SKAP2: variants seen among roughly 807,000 people sequenced by gnomAD.
SKAP2 encodes the protein src kinase-associated phosphoprotein 2.
In SKAP2, 28 loss-of-function variants were observed where a neutral mutation model predicts 54.9. The observed-to-expected ratio is 0.51, with a 90% confidence interval of 0.38 to 0.70. The LOEUF (loss-of-function observed/expected upper bound fraction) is 0.70, where lower values mean the gene tolerates loss of function less well. SKAP2 is among the 30% of genes least tolerant of loss of function. The pLI is 0.00. For synonymous variants in SKAP2, 137 were observed against 134.3 expected, an observed-to-expected ratio of 1.02 and a Z score of -0.14; for missense variants, 356 against 424.1, an observed-to-expected ratio of 0.84 and a Z score of 1.41.
intron 9 of SKAP2, among the ~76,000 whole-genome samples, chr7:26,711,263 G>C (rs563281299): frequency 6.6e-6 from 1 of 152,130 alleles, no homozygotes; most frequent in Non-Finnish European, 1.5e-5. Flanking sequence ...GAATTGGTGA[G>C]AGCATATGTC....
intron 9 of SKAP2, among the ~76,000 whole-genome samples, chr7:26,715,432 C>G (rs1050053930): frequency 1.3e-5 from 2 of 151,250 alleles, no homozygotes; most frequent in African/African-American, 4.9e-5. Context: ...GATTTTATAG[C>G]CTTTATAGTT....
At chr7:26,773,406 T>C (rs3801853) in intron 4 of SKAP2, among the ~76,000 whole-genome samples, 57,908 of 152,168 alleles carry the variant, frequency 0.38, 11,607 homozygotes, top group Middle Eastern at 0.48. Context: ...TATTTCTTGG[T>C]ATGTTACAGG....
chr7:26,765,774 G>T (rs1448831573), intron 4 of SKAP2, among the ~76,000 whole-genome samples: 1 of 152,294 alleles, frequency 6.6e-6, no homozygotes, highest in South Asian at 2.1e-4. Flanking sequence ...AGAGCAGATG[G>T]TTGTAGATGT....
At chr7:26,694,261 C>G (rs982746365) in intron 9 of SKAP2, among the ~76,000 whole-genome samples, 1 of 152,082 alleles carries the variant, frequency 6.6e-6, no homozygotes, top group African/African-American at 2.4e-5. Context: ...AACAGCTCAG[C>G]TATGCAGTAA....
At chr7:26,767,929 T>C (rs1436672397) in intron 4 of SKAP2, among the ~76,000 whole-genome samples, 2 of 152,250 alleles carry the variant, frequency 1.3e-5, no homozygotes, top group Non-Finnish European at 2.9e-5. Flanking sequence ...GAGAAGAATG[T>C]ATATTCTATT....
chr7:26,705,748 T>C (rs185663418), intron 9 of SKAP2, among the ~76,000 whole-genome samples: 42 of 152,306 alleles, frequency 2.8e-4, no homozygotes, highest in African/African-American at 9.1e-4. Context: ...CCCAGATGCT[T>C]CTTGCCAACC....
intron 4 of SKAP2, among the ~76,000 whole-genome samples, chr7:26,819,589 T>C (rs1189009726): frequency 3.9e-5 from 6 of 151,906 alleles, no homozygotes; most frequent in Non-Finnish European, 8.8e-5. Flanking sequence ...AAAAGAACTT[T>C]CCCATGCTTT....
intron 9 of SKAP2, among the ~76,000 whole-genome samples, chr7:26,698,160 C>T (rs1320779890): frequency 6.6e-6 from 1 of 152,138 alleles, no homozygotes; most frequent in Non-Finnish European, 1.5e-5. Context: ...GCTCTGTTTC[C>T]TCTGCTTGCC....
intron 4 of SKAP2, among the ~76,000 whole-genome samples, chr7:26,778,442 C>G (rs1783360323): frequency 6.6e-6 from 1 of 152,046 alleles, no homozygotes; most frequent in Non-Finnish European, 1.5e-5. Flanking sequence ...ATCAGTGCTG[C>G]ACACATTCTC....
intron 9 of SKAP2, among the ~76,000 whole-genome samples, chr7:26,700,509 G>T (rs553655624): frequency 5.9e-5 from 9 of 152,136 alleles, no homozygotes; most frequent in Middle Eastern, 3.2e-3. Context: ...TCATAACTGC[G>T]TCTCTCACTA....
chr7:26,822,844 C>T (rs1299355728), intron 4 of SKAP2, among the ~76,000 whole-genome samples: 4 of 151,342 alleles, frequency 2.6e-5, no homozygotes, highest in African/African-American at 4.9e-5. Flanking sequence ...GAATGCACCA[C>T]TGCACTCCAG....
chr7:26,849,175 C>T lies in SKAP2; in HGVS notation c.199+4962G>A, dbSNP rs113400577. Among the ~76,000 whole-genome samples, 64 of 152,304 alleles carry T rather than the reference C, an allele frequency of 4.2e-4. 1 individual carries two copies. The highest frequency in any genetic ancestry group is 1.5e-3 in the African/African-American group (63 of 41,566). On this transcript the variant is annotated intron_variant, in intron 3 of 12. Coordinates refer to ENST00000345317, the MANE Select transcript of SKAP2 (RefSeq NM_003930.5). ...TTCAGACTTTTCTGCTATTCTTATTCTGCTATTCTTAGTCCATTAATAAAC... is the reference window on the plus strand; with the variant it reads ...TTCAGACTTTTCTGCTATTCTTATTTTGCTATTCTTAGTCCATTAATAAAC...
chr7:26,847,011 T>C (rs953098450), intron 3 of SKAP2, among the ~76,000 whole-genome samples: 5 of 151,960 alleles, frequency 3.3e-5, no homozygotes, highest in Non-Finnish European at 5.9e-5. Context: ...AAAATAAAAA[T>C]AAAACGCTTT....
chr7:26,800,097 C>G (rs1783881343), intron 4 of SKAP2, among the ~76,000 whole-genome samples: 1 of 152,014 alleles, frequency 6.6e-6, no homozygotes, highest in African/African-American at 2.4e-5. Context: ...GCACTCCAGC[C>G]TGGGCGACAG....
intron 4 of SKAP2, among the ~76,000 whole-genome samples, chr7:26,778,026 G>T (rs1783349944): frequency 6.6e-6 from 1 of 151,858 alleles, no homozygotes; most frequent in African/African-American, 2.4e-5. Context: ...TAGTTCTATA[G>T]CAAAAGGTAG....
intron 4 of SKAP2, among the ~76,000 whole-genome samples, chr7:26,794,379 C>A (rs1783727381): frequency 1.3e-5 from 2 of 152,196 alleles, no homozygotes; most frequent in Non-Finnish European, 1.5e-5. Context: ...GTGTTCCAAG[C>A]TAGGGAATCT....
At chr7:26,680,858 G>C (rs1400717806) in intron 11 of SKAP2, among the ~76,000 whole-genome samples, 1 of 152,044 alleles carries the variant, frequency 6.6e-6, no homozygotes, top group Non-Finnish European at 1.5e-5. Flanking sequence ...ATGTTAAAAA[G>C]GGAAGGAGGA....
At chr7:26,766,973 C>T (rs191498524) in intron 4 of SKAP2, among the ~76,000 whole-genome samples, 2 of 152,280 alleles carry the variant, frequency 1.3e-5, no homozygotes, top group East Asian at 3.9e-4. Flanking sequence ...CAAGATGATG[C>T]TGGCCTCATA....
intron 4 of SKAP2, among the ~76,000 whole-genome samples, chr7:26,822,870 G>A (rs1427438818): frequency 3.3e-5 from 5 of 150,840 alleles, no homozygotes; most frequent in East Asian, 2.0e-4. Flanking sequence ...GCGACACAGC[G>A]AGACTCCGTC....
Sources: gnomAD v4.1 joint callset for allele counts (sites outside exome capture counted in the v4.1 genomes callset) on GRCh38, gnomAD v4.1.1 for gene constraint, MANE v1.5 for transcripts, NCBI Gene and HGNC (gene_info 2026-07-23, HGNC 2026-07-21) for gene names.